Variants in MPEG1 observed in about 807,000 individuals in gnomAD.
MPEG1 encodes the protein macrophage-expressed gene 1 protein.
For synonymous variants in MPEG1, 365 were observed against 351.9 expected (o/e 1.04, Z -0.42); for missense variants, 876 against 880.3 (o/e 1.00, Z 0.06).
Position 59,211,959 on chromosome 11 carries a change from T to C in MPEG1, c.907A>G (p.Ile303Val). 1 of 1,611,960 alleles carries C rather than the reference T, an allele frequency of 6.2e-7. No homozygotes were observed. Among genetic ancestry groups the C allele is most frequent in the Non-Finnish European group, 8.5e-7 (1 of 1,178,478 alleles). ...TGCAGCGGCAGGCCAGAGCGGTCGATGGCCACCAGGTGGTTGGTGATACCC... is the reference window on the plus strand; with the variant it reads ...TGCAGCGGCAGGCCAGAGCGGTCGACGGCCACCAGGTGGTTGGTGATACCC... ...QQGITNHLVA[I>V]DRSGLPLHFF... Residue 303 changes from isoleucine to valine, a missense_variant, in exon 1 of 1, where the codon ATC becomes GTC. Physicochemically the swap from Ile to Val is conservative, Grantham distance 29. Transcript: ENST00000361050.
In MPEG1 at chr11:59,212,285, G is replaced by A. The variant is rs752627134; in HGVS notation, c.581C>T (p.Ala194Val). The part of the protein sequence containing the change: ...NNQTRMATYL[A>V]ELLVLNYGTH... ...GCCATAGTTGAGCACCAGGAGTTCT[G>A]CCAGGTAGGTGGCCATCCTCGTCTG... The change falls in exon 1 of 1, where the codon GCA (alanine) becomes GTA (valine). Residue 194 changes from alanine to valine, a missense_variant. By Grantham distance (64) the Ala-to-Val change is moderately conservative. Transcript: ENST00000361050. The A allele has an allele frequency of 2.5e-6, 4 of 1,613,874 alleles. No homozygotes were observed. Among genetic ancestry groups the A allele is most frequent in the Non-Finnish European group, 3.4e-6 (4 of 1,180,022 alleles).
rs770202030 is a variant in MPEG1 at position 59,212,477 on chromosome 11, GA to G, written c.388del (p.Ser130ProfsTer7). ...SLFSKVNGKF[S>X]TEFQRMKTLQ... ...GGTCTTCATCCTCTGGAACTCAGTG[GA>G]AAACTTGCCATTGACTTTGGAAAAA... On this transcript the variant is annotated frameshift_variant, in exon 1 of 1. Transcript: ENST00000361050. LOFTEE classifies it low-confidence loss of function (END_TRUNC). 1.7e-4 allele frequency: 268 copies of G among 1,614,074 alleles called. 1 individual carries two copies. Among genetic ancestry groups the G allele is most frequent in the Non-Finnish European group, 2.2e-4 (261 of 1,180,050 alleles).
At position 59,212,876 on chromosome 11, in the gene MPEG1, G is replaced by C. The variant is rs756395913; in HGVS notation, c.-11C>G. 1.4e-5 allele frequency: 22 copies of C among 1,607,656 alleles called. No individual in the cohort carries two copies. The highest frequency in any genetic ancestry group is 8.5e-7 in the Non-Finnish European group (1 of 1,176,196). ...CCTGAAGTTGTTCATGGCTCAGACAGCCCCAGCCACTCACCAGCCCTACAC... is the reference window on the plus strand; with the variant it reads ...CCTGAAGTTGTTCATGGCTCAGACACCCCCAGCCACTCACCAGCCCTACAC... On this transcript the variant is annotated 5_prime_UTR_variant, in exon 1 of 1. Coordinates refer to ENST00000361050, the MANE Select transcript of MPEG1 (RefSeq NM_001039396.2).
rs545638736 is a variant in MPEG1, at chr11:59,211,210, C to A, written c.1656G>T (p.Pro552=). The change falls in exon 1 of 1, where the codon CCG becomes CCT. Residue 552 remains proline (P), a synonymous_variant. Coordinates refer to ENST00000361050, the MANE Select transcript of MPEG1 (RefSeq NM_001039396.2). ...AGCCCCCGGGGCACTTTTTCAGAGACGGTGCCCCTAAATCTCTGGATATAG... is the reference window on the plus strand; with the variant it reads ...AGCCCCCGGGGCACTTTTTCAGAGAAGGTGCCCCTAAATCTCTGGATATAG... The part of the protein sequence containing the change: ...DPAISRDLGA[P]SLKKCPGGFS... 6.2e-7 allele frequency: 1 copy of A among 1,614,138 alleles called. No homozygotes were observed. The highest frequency in any genetic ancestry group is 2.2e-5 in the East Asian group (1 of 44,882).
In MPEG1 at chr11:59,211,007, G is replaced by A; in HGVS notation, c.1859C>T (p.Ser620Phe). ...GTGGGTCTGGGAGTCTTTAATCCAGGATCTCGCATTCTCAGAATTGGTCAC... is the reference window on the plus strand; with the variant it reads ...GTGGGTCTGGGAGTCTTTAATCCAGAATCTCGCATTCTCAGAATTGGTCAC... ...VIVTNSENAR[S>F]WIKDSQTHQW... The change falls in exon 1 of 1, where the codon TCC (serine) becomes TTC (phenylalanine). Residue 620 changes from serine (S) to phenylalanine (F), a missense_variant. Physicochemically the swap from Ser to Phe is radical, Grantham distance 155. Transcript: ENST00000361050. 1 of 1,614,146 alleles carries A rather than the reference G, an allele frequency of 6.2e-7. No individual in the cohort carries two copies. Among genetic ancestry groups the A allele is most frequent in the Non-Finnish European group, 8.5e-7 (1 of 1,180,028 alleles).
Position 59,208,511 on chromosome 11 carries a change from T to C in MPEG1, c.*2204A>G, listed in dbSNP as rs1862845530. The stretch of plus-strand genomic sequence containing the variant: ...TGTGTTTAAATTATTTACAGGCTGT[T>C]GTTTCTCAAATAAATGTTTAATATT... On this transcript the variant is annotated 3_prime_UTR_variant, in exon 1 of 1. Coordinates refer to ENST00000361050, the MANE Select transcript of MPEG1 (RefSeq NM_001039396.2). 6.6e-6 allele frequency: 1 copy of C among 152,234 alleles called. No individual in the cohort carries two copies. Among genetic ancestry groups the C allele is most frequent in the South Asian group, 2.1e-4 (1 of 4,836 alleles). 9.4% of individuals were successfully genotyped at this position (152,234 alleles called of 1,614,324 possible). A position where few individuals can be genotyped will look rare whatever the true frequency, so the allele number is the denominator to read the frequency against.
At position 59,210,521 on chromosome 11, in the gene MPEG1, C is replaced by T. The variant is rs1055431318; in HGVS notation, c.*194G>A. ...TTTAGTCCCAGAATCACTTTTGCTT[C>T]TAGTCCCAACTGTTCCCTCTCCCCA... is the stretch of plus-strand genomic sequence containing the variant. On this transcript the variant is annotated 3_prime_UTR_variant, in exon 1 of 1. Coordinates refer to ENST00000361050, the MANE Select transcript of MPEG1 (RefSeq NM_001039396.2). 1.7e-6 allele frequency: 1 copy of T among 575,104 alleles called. No individual in the cohort carries two copies. Among genetic ancestry groups the T allele is most frequent in the African/African-American group, 1.9e-5 (1 of 53,526 alleles). 35.6% of individuals were successfully genotyped at this position (575,104 alleles called of 1,614,324 possible). A position where few individuals can be genotyped will look rare whatever the true frequency, so the allele number is the denominator to read the frequency against.
chr11:59,211,666 C>A lies in MPEG1; in HGVS notation c.1200G>T (p.Leu400Phe). 2 of 1,614,150 alleles carry A rather than the reference C, an allele frequency of 1.2e-6. No homozygotes were observed. Among genetic ancestry groups the A allele is most frequent in the Non-Finnish European group, 1.7e-6 (2 of 1,180,044 alleles). Residue 400 changes from leucine (L) to phenylalanine (F), a missense_variant, in exon 1 of 1, where the codon TTG becomes TTT. Transcript: ENST00000361050. ...GNRDVLLCQK[L>F]EQKNPLTGDF... The stretch of plus-strand genomic sequence containing the variant: ...CACCAGTGAGTGGATTCTTCTGCTC[C>A]AACTTTTGGCAGAGGAGGACATCCC...
Position 59,209,851 on chromosome 11 carries a change from T to TGC in MPEG1, c.*863_*864insGC, listed in dbSNP as rs1371538128. The TGC allele has an allele frequency of 5.1e-5, 1 of 19,718 alleles. No homozygotes were observed. Among genetic ancestry groups the TGC allele is most frequent in the Non-Finnish European group, 1.2e-4 (1 of 8,360 alleles). The allele number at this position is 19,718 out of a possible 1,614,324, so 1.2% of individuals were successfully genotyped here. A position where few individuals can be genotyped will look rare whatever the true frequency, so the allele number is the denominator to read the frequency against. ...AAGACTTATTGAAATGTGGTATGTG[T>TGC]GTGCGTGTGTGTGTGTGTGTGTGTG... is the stretch of plus-strand genomic sequence containing the variant. On this transcript the variant is annotated 3_prime_UTR_variant, in exon 1 of 1. Transcript: ENST00000361050.
At position 59,212,057 on chromosome 11, in the gene MPEG1, C is replaced by T. The variant is rs397832527; in HGVS notation, c.809G>A (p.Arg270Gln). ...AATGCTCTGCACCCTGGAGTTGGTT[C>T]GGTTTGAGAGGTAGCTCTTGGTGAG... is the stretch of plus-strand genomic sequence containing the variant. ...NVLTKSYLSN[R>Q]TNSRVQSIGG... The change falls in exon 1 of 1, where the codon CGA (arginine) becomes CAA (glutamine). Residue 270 changes from arginine (R) to glutamine (Q), a missense_variant. Coordinates refer to ENST00000361050, the MANE Select transcript of MPEG1 (RefSeq NM_001039396.2). 84 of 1,612,896 alleles carry T rather than the reference C, an allele frequency of 5.2e-5. No homozygotes were observed. Among genetic ancestry groups the T allele is most frequent in the Admixed American group, 1.0e-4 (6 of 59,810 alleles).
Position 59,209,462 on chromosome 11 carries a change from C to T in MPEG1, c.*1253G>A, listed in dbSNP as rs937477351. 3.3e-5 allele frequency: 5 copies of T among 152,076 alleles called. No individual in the cohort carries two copies. The highest frequency in any genetic ancestry group is 1.2e-4 in the African/African-American group (5 of 41,390). 9.4% of individuals were successfully genotyped at this position (152,076 alleles called of 1,614,324 possible). A position where few individuals can be genotyped will look rare whatever the true frequency, so the allele number is the denominator to read the frequency against. On this transcript the variant is annotated 3_prime_UTR_variant, in exon 1 of 1. Transcript: ENST00000361050. ...TTGGTATTAAAATTGAGCAAAGTCC[C>T]AACTCTCACCAGATGACAATTATGC...
Position 59,212,378 on chromosome 11 carries a change from G to T in MPEG1, c.488C>A (p.Pro163Gln), listed in dbSNP as rs750067000. 1.2e-6 allele frequency: 2 copies of T among 1,614,070 alleles called. No homozygotes were observed. Among genetic ancestry groups the T allele is most frequent in the African/African-American group, 2.7e-5 (2 of 74,928 alleles). Residue 163 changes from proline to glutamine, a missense_variant, in exon 1 of 1, where the codon CCA (proline) becomes CAA (glutamine). Coordinates refer to ENST00000361050, the MANE Select transcript of MPEG1 (RefSeq NM_001039396.2). ...RNLVYTVKIN[P>Q]TLELSSGFRK... Reference sequence around the variant, plus strand: ...AAAACCTGAGCTTAGCTCTAAAGTTGGGTTGATTTTGACTGTGTAGACGAG... The same window carrying T: ...AAAACCTGAGCTTAGCTCTAAAGTTTGGTTGATTTTGACTGTGTAGACGAG...
At position 59,212,344 on chromosome 11, in the gene MPEG1, T is replaced by C. The variant is rs1168801391; in HGVS notation, c.522A>G (p.Glu174=). ...CTAGACGGTCAGAGATGTCAAGGAG[T>C]TCCTTCCTAAAACCTGAGCTTAGCT... ...TLELSSGFRK[E]LLDISDRLEN... Residue 174 remains glutamate, a synonymous_variant, in exon 1 of 1, where the codon GAA becomes GAG. Transcript: ENST00000361050. 8.1e-6 allele frequency: 13 copies of C among 1,613,870 alleles called. No homozygotes were observed. Among genetic ancestry groups the C allele is most frequent in the African/African-American group, 4.0e-5 (3 of 74,878 alleles).
In MPEG1 at chr11:59,211,827, A is replaced by T. The variant is rs752177032; in HGVS notation, c.1039T>A (p.Tyr347Asn). The change falls in exon 1 of 1, where the codon TAC becomes AAC. Residue 347 changes from tyrosine to asparagine, a missense_variant. Physicochemically the swap from Tyr to Asn is moderately radical, Grantham distance 143. Coordinates refer to ENST00000361050, the MANE Select transcript of MPEG1 (RefSeq NM_001039396.2). ...AVKRYYTFNT[Y>N]PGCTDLNSPN... ...GAATTGAGATCTGTGCAGCCAGGGT[A>T]GGTGTTGAATGTATAATAGCGCTTC... The T allele has an allele frequency of 7.2e-5, 116 of 1,613,856 alleles. No homozygotes were observed. Among genetic ancestry groups the T allele is most frequent in the Non-Finnish European group, 9.0e-5 (106 of 1,179,838 alleles).
chr11:59,212,320 T>C lies in MPEG1; in HGVS notation c.546A>G (p.Leu182=), dbSNP rs1317221177. Residue 182 remains leucine, a synonymous_variant, in exon 1 of 1, where the codon CTA becomes CTG. Transcript: ENST00000361050. ...RKELLDISDR[L]ENNQTRMATY... is the part of the protein sequence containing the mutation. ...TGGCCATCCTCGTCTGGTTGTTCTC[T>C]AGACGGTCAGAGATGTCAAGGAGTT... 1.2e-6 allele frequency: 2 copies of C among 1,614,036 alleles called. No homozygotes were observed. The highest frequency in any genetic ancestry group is 1.1e-5 in the South Asian group (1 of 91,078).
chr11:59,210,832 G>T lies in MPEG1; in HGVS notation c.2034C>A (p.Gly678=). The T allele has an allele frequency of 1.2e-6, 2 of 1,614,150 alleles. No individual in the cohort carries two copies. The highest frequency in any genetic ancestry group is 2.7e-5 in the African/African-American group (2 of 75,032). ...ATGCTTTCTTCTTGAACTTCCGGGT[G>T]CCGTAGATGGCCAAGGTGATAACAA... ...LAVVITLAIY[G]TRKFKKKAYQ... The change falls in exon 1 of 1, where the codon GGC becomes GGA. Residue 678 remains glycine (G), a synonymous_variant. Transcript: ENST00000361050.
rs1413698779 is a variant in MPEG1, at chr11:59,211,243, T to C, written c.1623A>G (p.Val541=). ...CTAAATCTCTGGATATAGCAGGATC[T>C]ACCAGGGGGTTCCCAACTGTGCAGC... ...FFSCTVGNPL[V]DPAISRDLGA... is the part of the protein sequence containing the mutation. The change falls in exon 1 of 1, where the codon GTA becomes GTG. Residue 541 remains valine, a synonymous_variant. Coordinates refer to ENST00000361050, the MANE Select transcript of MPEG1 (RefSeq NM_001039396.2). The C allele has an allele frequency of 4.2e-5, 67 of 1,614,054 alleles. No individual in the cohort carries two copies. Among genetic ancestry groups the C allele is most frequent in the Non-Finnish European group, 5.7e-5 (67 of 1,180,048 alleles).
chr11:59,211,034 A>G lies in MPEG1; in HGVS notation c.1832T>C (p.Ile611Thr). ...TCTCGCATTCTCAGAATTGGTCACT[A>G]TGACAGTATTGGTGGCAGCCTGACT... is the stretch of plus-strand genomic sequence containing the variant. ...LMSQAATNTVIVTNSENARSW... is the reference protein window; with the variant it reads ...LMSQAATNTVTVTNSENARSW... Residue 611 changes from isoleucine to threonine, a missense_variant, in exon 1 of 1, where the codon ATA becomes ACA. Coordinates refer to ENST00000361050, the MANE Select transcript of MPEG1 (RefSeq NM_001039396.2). 1.2e-6 allele frequency: 2 copies of G among 1,614,146 alleles called. No individual in the cohort carries two copies. The highest frequency in any genetic ancestry group is 2.2e-5 in the East Asian group (1 of 44,874).
In MPEG1 at chr11:59,212,748, G is replaced by A; in HGVS notation, c.118C>T (p.Leu40=). The change falls in exon 1 of 1, where the codon CTA becomes TTA. Residue 40 remains leucine (L), a synonymous_variant. Transcript: ENST00000361050. ...GVQKCKNALK[L]PVLEVLPGGG... is the part of the protein sequence containing the mutation. The stretch of plus-strand genomic sequence containing the variant: ...CCAGGTAGGACTTCCAGGACAGGTA[G>A]TTTCAAGGCATTCTTGCATTTTTGA... The A allele has an allele frequency of 1.9e-6, 3 of 1,614,198 alleles. No individual in the cohort carries two copies.
Sources: allele counts gnomAD v4.1 joint callset, GRCh38; gene constraint gnomAD v4.1.1; transcripts MANE v1.5; gene names NCBI Gene and HGNC (gene_info 2026-07-23, HGNC 2026-07-21).